ADAMTS17: variants seen among roughly 807,000 people sequenced by gnomAD.
The protein encoded by ADAMTS17 is A disintegrin and metalloproteinase with thrombospondin motifs 17.
In ADAMTS17, 113 loss-of-function variants were observed where a neutral mutation model predicts 141.5. The ratio of observed to expected loss-of-function variants is 0.80; its 90% CI spans 0.69 to 0.93. The LOEUF is 0.93. ADAMTS17 is among the 40% of genes least tolerant of loss of function. The pLI is 0.00. For synonymous variants in ADAMTS17, 768 were observed against 630.6 expected, an observed-to-expected ratio of 1.22 and a Z score of -3.27; for missense variants, 1,659 against 1,517.9, an observed-to-expected ratio of 1.09 and a Z score of -1.54.
At position 100,009,269 on chromosome 15, in the gene ADAMTS17, C is replaced by T. The variant is rs148211686; in HGVS notation, c.2592-11680G>A. ...CTTGGAGAGGCAGCAAGACTGGCCT[C>T]GGGCTCCCCTATTCCTATGTAGGTG... is the stretch of plus-strand genomic sequence containing the variant. On this transcript the variant is annotated intron_variant, in intron 18 of 21. Coordinates refer to ENST00000268070, the MANE Select transcript of ADAMTS17 (RefSeq NM_139057.4). 1.4e-3 allele frequency among the ~76,000 whole-genome samples: 213 copies of T among 152,260 alleles called. 1 individual carries two copies. Among genetic ancestry groups the T allele is most frequent in the African/African-American group, 4.0e-3 (167 of 41,554 alleles).
chr15:100,115,098 A>T (rs1022207520), intron 13 of ADAMTS17, among the ~76,000 whole-genome samples: 4 of 152,176 alleles, frequency 2.6e-5, no homozygotes, highest in Admixed American at 6.5e-5. Context: ...AAGAGGTCTA[A>T]AAGTATCTTT....
chr15:99,999,535 G>C (rs998443120), intron 18 of ADAMTS17, among the ~76,000 whole-genome samples: 1 of 152,178 alleles, frequency 6.6e-6, no homozygotes, highest in Non-Finnish European at 1.5e-5. Context: ...TGGAGGCGGA[G>C]TGAGGAAGGG....
chr15:100,308,363 G>T (rs2045293969), intron 3 of ADAMTS17, among the ~76,000 whole-genome samples: 1 of 152,220 alleles, frequency 6.6e-6, no homozygotes, highest in South Asian at 2.1e-4. Flanking sequence ...GACGACAGTT[G>T]TAAATCTCAG....
chr15:100,185,099 C>G (rs2040662093), intron 8 of ADAMTS17, among the ~76,000 whole-genome samples: 1 of 152,216 alleles, frequency 6.6e-6, no homozygotes, highest in Non-Finnish European at 1.5e-5. Context: ...GTGGCAGAGG[C>G]TATGGACATA....
chr15:100,203,301 G>A (rs762636465), intron 7 of ADAMTS17, among the ~76,000 whole-genome samples: 13 of 152,176 alleles, frequency 8.5e-5, no homozygotes, highest in Non-Finnish European at 1.5e-4. Flanking sequence ...GGCCAGGTGC[G>A]GTGGCTCATG....
At chr15:100,136,915 G>A (rs1162978507) in intron 10 of ADAMTS17, among the ~76,000 whole-genome samples, 1 of 152,178 alleles carries the variant, frequency 6.6e-6, no homozygotes, top group African/African-American at 2.4e-5. Flanking sequence ...AAAAGAGCTC[G>A]GGCTGTGCAG....
intron 3 of ADAMTS17, among the ~76,000 whole-genome samples, chr15:100,293,270 G>A (rs534428632): frequency 2.0e-5 from 3 of 152,276 alleles, no homozygotes; most frequent in East Asian, 1.9e-4. Context: ...GGCAGGAAGA[G>A]GTGAGGTGGT....
intron 8 of ADAMTS17, among the ~76,000 whole-genome samples, chr15:100,176,123 C>T (rs765325975): frequency 3.9e-5 from 6 of 152,148 alleles, no homozygotes; most frequent in African/African-American, 4.8e-5. Flanking sequence ...TCAGAACCAC[C>T]GGTCAGTGGC....
chr15:100,033,476 T>C (rs2030386692), intron 18 of ADAMTS17, among the ~76,000 whole-genome samples: 1 of 152,178 alleles, frequency 6.6e-6, no homozygotes, highest in Admixed American at 6.5e-5. Context: ...GAGAGCAGAA[T>C]GGGTTGGACA....
intron 10 of ADAMTS17, among the ~76,000 whole-genome samples, chr15:100,147,276 G>T (rs1305473326): frequency 2.6e-5 from 4 of 152,072 alleles, no homozygotes; most frequent in Admixed American, 6.5e-5. Context: ...AAATAGAAAA[G>T]AACCTACGTG....
intron 18 of ADAMTS17, among the ~76,000 whole-genome samples, chr15:100,046,534 A>C (rs566252444): frequency 6.6e-6 from 1 of 152,356 alleles, no homozygotes; most frequent in East Asian, 1.9e-4. Context: ...GGAAGTCAGG[A>C]ACCCCGAACG....
chr15:100,051,973 CAA>C (rs916845237), intron 16 of ADAMTS17, among the ~76,000 whole-genome samples: 3 of 152,172 alleles, frequency 2.0e-5, no homozygotes, highest in Non-Finnish European at 4.4e-5. Flanking sequence ...CTTTCCTACC[CAA>C]GAGAGAGACC....
At chr15:99,986,316 G>A (rs2060585488) in intron 20 of ADAMTS17, among the ~76,000 whole-genome samples, 1 of 152,246 alleles carries the variant, frequency 6.6e-6, no homozygotes, top group African/African-American at 2.4e-5. Flanking sequence ...AACACAGAAA[G>A]GCATCTAACA....
At chr15:100,162,161 C>T (rs2039719793) in intron 8 of ADAMTS17, among the ~76,000 whole-genome samples, 1 of 152,058 alleles carries the variant, frequency 6.6e-6, no homozygotes, top group African/African-American at 2.4e-5. Flanking sequence ...ATACAATACA[C>T]ACAGCCTCTC....
intron 20 of ADAMTS17, among the ~76,000 whole-genome samples, chr15:99,977,347 T>TTC (rs2060357339): frequency 1.4e-5 from 1 of 69,822 alleles, no homozygotes; most frequent in African/African-American, 5.9e-5. Flanking sequence ...GTCCCTCCTC[T>TTC]TCATATATAT....
In ADAMTS17 at chr15:100,193,273, C is replaced by T. The variant is rs141739044; in HGVS notation, c.1181+6045G>A. On this transcript the variant is annotated intron_variant, in intron 8 of 21. Transcript: ENST00000268070. ...CTCCTTGAGGTCTCCCGGGAGCTGACGGAGTAGAGAGAGGACTAAGCCTGT... is the reference window on the plus strand; with the variant it reads ...CTCCTTGAGGTCTCCCGGGAGCTGATGGAGTAGAGAGAGGACTAAGCCTGT... Among the ~76,000 whole-genome samples, 430 of 152,308 alleles carry T rather than the reference C, an allele frequency of 2.8e-3. 3 individuals carry two copies. The Middle Eastern group carries it at 0.031, about 11-fold the overall frequency.
At chr15:100,225,871 G>A (rs1225905819) in intron 7 of ADAMTS17, among the ~76,000 whole-genome samples, 3 of 135,500 alleles carry the variant, frequency 2.2e-5, no homozygotes, top group South Asian at 2.4e-4. Flanking sequence ...CGGCCTCTGC[G>A]CCATTCAGTC....
chr15:100,044,537 G>A (rs777491763), intron 18 of ADAMTS17, among the ~76,000 whole-genome samples: 12 of 152,126 alleles, frequency 7.9e-5, no homozygotes, highest in Admixed American at 2.6e-4. Flanking sequence ...TTGCTTCTAA[G>A]ATCTCCTATA....
chr15:99,974,588 C>T lies in ADAMTS17; in HGVS notation c.3128-26G>A, dbSNP rs748001114. 3.1e-5 allele frequency: 50 copies of T among 1,613,990 alleles called. 1 individual carries two copies. The Middle Eastern group carries it at 6.6e-4, about 21-fold the overall frequency. Reference sequence around the variant, plus strand: ...CTAAGGGGATAGGAGAGAGAATACCCAGGGTCAGGGATGGCCTAGGCATGT... The same window carrying T: ...CTAAGGGGATAGGAGAGAGAATACCTAGGGTCAGGGATGGCCTAGGCATGT... On this transcript the variant is annotated intron_variant, in intron 21 of 21. Transcript: ENST00000268070.
Sources: gnomAD v4.1 joint callset for allele counts (sites outside exome capture counted in the v4.1 genomes callset) on GRCh38, gnomAD v4.1.1 for gene constraint, MANE v1.5 for transcripts, NCBI Gene and HGNC (gene_info 2026-07-23, HGNC 2026-07-21) for gene names.